Variants in C1GALT1 observed in about 807,000 individuals in gnomAD.
C1GALT1 encodes glycoprotein-N-acetylgalactosamine 3-beta-galactosyltransferase 1.
C1GALT1 carries 11 observed loss-of-function variants against 31.0 expected under a neutral mutation model. That is an observed-to-expected ratio of 0.36 (90% CI 0.22 to 0.59). C1GALT1 has a LOEUF of 0.59. C1GALT1 is among the 20% of genes least tolerant of loss of function. C1GALT1 has a pLI of 0.79. For synonymous variants in C1GALT1, 175 were observed against 143.6 expected, an observed-to-expected ratio of 1.22 and a Z score of -1.56; for missense variants, 424 against 425.2, an observed-to-expected ratio of 1.00 and a Z score of 0.03.
chr7:7,227,385 A>G (rs1424500522), intron 1 of C1GALT1, among the ~76,000 whole-genome samples: 1 of 152,178 alleles, frequency 6.6e-6, no homozygotes, highest in East Asian at 1.9e-4. Context: ...TGGGTTAATA[A>G]CTTAATGGGT....
chr7:7,235,312 TTTCTC>T (rs762642816), intron 2 of C1GALT1: 15 of 152,300 alleles, frequency 9.8e-5, no homozygotes, highest in South Asian at 2.1e-4. Flanking sequence ...TATTCAGTTT[TTTCTC>T]TTCTCTTCTC....
chr7:7,212,709 A>G (rs1017944790), intron 1 of C1GALT1, among the ~76,000 whole-genome samples: 1 of 152,068 alleles, frequency 6.6e-6, no homozygotes, highest in South Asian at 2.1e-4. Context: ...TTTTGTGGGT[A>G]AGGGATGGAT....
chr7:7,176,649 C>T (rs1182208979), intron 2 of C1GALT1, among the ~76,000 whole-genome samples: 4 of 152,124 alleles, frequency 2.6e-5, no homozygotes, highest in African/African-American at 7.2e-5. Context: ...CCTCTTCCCT[C>T]GAGGTTAAAT....
chr7:7,169,965 A>G (rs1012909716), intron 2 of C1GALT1, among the ~76,000 whole-genome samples: 3 of 152,262 alleles, frequency 2.0e-5, no homozygotes, highest in African/African-American at 7.2e-5. Context: ...AAAGTTCACC[A>G]GTGAAGCTAT....
At position 7,238,953 on chromosome 7, in the gene C1GALT1, T is replaced by C; in HGVS notation, c.888+31T>C. 6.5e-7 allele frequency: 1 copy of C among 1,526,730 alleles called. No individual in the cohort carries two copies. The highest frequency in any genetic ancestry group is 8.9e-7 in the Non-Finnish European group (1 of 1,123,054). 94.6% of individuals were successfully genotyped at this position (1,526,730 alleles called of 1,614,324 possible). ...TTTAGAAATTTTATTACTATGTCAA[T>C]ACTTGGACTGACTGAATTTTGTTGA... On this transcript the variant is annotated intron_variant, in intron 3 of 3. Transcript: ENST00000436587. This position sits in a 1 kb window ranked among gnomAD's most constrained non-coding sequence, Gnocchi z 5.2.
At chr7:7,221,648 A>G (rs2128242735) in intron 1 of C1GALT1, among the ~76,000 whole-genome samples, 1 of 152,352 alleles carries the variant, frequency 6.6e-6, no homozygotes, top group South Asian at 2.1e-4. Flanking sequence ...GGAGTGATAT[A>G]TTGCTCAACC....
intron 1 of C1GALT1, among the ~76,000 whole-genome samples, chr7:7,218,769 A>T (rs1048069520): frequency 1.3e-5 from 2 of 152,234 alleles, no homozygotes; most frequent in Non-Finnish European, 2.9e-5. Flanking sequence ...AGCACCTTCC[A>T]AAGATTACAG....
At chr7:7,221,146 C>A (rs189204421) in intron 1 of C1GALT1, among the ~76,000 whole-genome samples, 273 of 152,226 alleles carry the variant, frequency 1.8e-3, no homozygotes, top group Non-Finnish European at 2.8e-3. Context: ...ATTTCCTCTT[C>A]TCTTTTATCT....
chr7:7,189,782 T>C (rs1780977626), intron 1 of C1GALT1, among the ~76,000 whole-genome samples: 2 of 152,166 alleles, frequency 1.3e-5, no homozygotes, highest in African/African-American at 4.8e-5. Context: ...TGCAAAAATA[T>C]ATTTTCTTCC....
At chr7:7,181,017 C>T (rs894520280), upstream of C1GALT1, among the ~76,000 whole-genome samples, 1 of 151,958 alleles carries the variant, frequency 6.6e-6, no homozygotes. Flanking sequence ...CTGTGGCTGA[C>T]CTTATTTTAG....
chr7:7,208,955 C>T (rs745322900), intron 1 of C1GALT1, among the ~76,000 whole-genome samples: 72 of 152,124 alleles, frequency 4.7e-4, no homozygotes, highest in Admixed American at 2.4e-3. Context: ...ACTTTGAGAG[C>T]TTCATAATAG....
At chr7:7,180,253 A>C (rs1177444508), upstream of C1GALT1, among the ~76,000 whole-genome samples, 1 of 152,362 alleles carries the variant, frequency 6.6e-6, no homozygotes, top group Non-Finnish European at 1.5e-5. Flanking sequence ...TATATTTTTC[A>C]AAGTAACCAC....
chr7:7,221,807 A>T (rs980997428), intron 1 of C1GALT1, among the ~76,000 whole-genome samples: 1 of 152,182 alleles, frequency 6.6e-6, no homozygotes, highest in African/African-American at 2.4e-5. Context: ...TTGATTCTCA[A>T]CATCTAGCTC....
chr7:7,167,757 C>A (rs1057305824), intron 2 of C1GALT1, among the ~76,000 whole-genome samples: 10 of 152,090 alleles, frequency 6.6e-5, no homozygotes, highest in African/African-American at 2.4e-4. Context: ...CTTCTCACAG[C>A]GCCCAGTCCC....
At position 7,234,526 on chromosome 7, in the gene C1GALT1, T is replaced by C; in HGVS notation, c.207T>C (p.Ser69=). The change falls in exon 2 of 4, where the codon TCT becomes TCC. Residue 69 remains serine (S), a synonymous_variant. Coordinates refer to ENST00000436587, the MANE Select transcript of C1GALT1 (RefSeq NM_020156.5). ...LEGQMNFNAD[S]SQHKDENTDI... ...GACAAATGAACTTCAATGCAGATTC[T>C]AGCCAACATAAAGGTATGGTTTACT... The C allele has an allele frequency of 1.2e-6, 2 of 1,608,588 alleles. No homozygotes were observed. The highest frequency in any genetic ancestry group is 1.3e-5 in the African/African-American group (1 of 74,980).
chr7:7,180,909 T>TTAAA (rs1780568752), upstream of C1GALT1, among the ~76,000 whole-genome samples: 1 of 56,836 alleles, frequency 1.8e-5, no homozygotes, highest in Non-Finnish European at 3.6e-5. Flanking sequence ...CCATATCTCT[T>TTAAA]CAAAAAAAAA....
chr7:7,178,505 T>C (rs1031617470), upstream of C1GALT1, among the ~76,000 whole-genome samples: 1 of 151,998 alleles, frequency 6.6e-6, no homozygotes, highest in African/African-American at 2.4e-5. Context: ...TTAAAAAAAA[T>C]TGATTGAGGA....
At chr7:7,189,890 C>A (rs1780981462) in intron 1 of C1GALT1, among the ~76,000 whole-genome samples, 1 of 149,688 alleles carries the variant, frequency 6.7e-6, no homozygotes, top group Non-Finnish European at 1.5e-5. Flanking sequence ...GTTTTTTTTT[C>A]CCCAAAAGAT....
rs1783915993 is a variant in C1GALT1 at position 7,247,994 on chromosome 7, G to A, written c.*4267G>A. 1.3e-5 allele frequency: 2 copies of A among 151,896 alleles called. No homozygotes were observed. The highest frequency in any genetic ancestry group is 6.6e-5 in the Admixed American group (1 of 15,258). The allele number at this position is 151,896 out of a possible 1,614,324, so 9.4% of individuals were successfully genotyped here. On this transcript the variant is annotated 3_prime_UTR_variant, in exon 4 of 4. Coordinates refer to ENST00000436587, the MANE Select transcript of C1GALT1 (RefSeq NM_020156.5). ...TATTAAAGGAAGTAAAGTTATTTGGGTTCTTCCACTCACCCTTTTCTCAAA... is the reference window on the plus strand; with the variant it reads ...TATTAAAGGAAGTAAAGTTATTTGGATTCTTCCACTCACCCTTTTCTCAAA...
Sources: allele counts gnomAD v4.1 joint callset (sites outside exome capture counted in the v4.1 genomes callset), GRCh38; gene constraint gnomAD v4.1.1; non-coding constraint Gnocchi (gnomAD v3.1); transcripts MANE v1.5; gene names NCBI Gene and HGNC (gene_info 2026-07-23, HGNC 2026-07-21).